MYH15: variants seen among roughly 807,000 people sequenced by gnomAD.
MYH15 encodes myosin heavy chain 15, also known as myosin-15.
A neutral mutation model predicts 240.5 loss-of-function variants in MYH15; 227 were observed. That is an observed-to-expected ratio of 0.94 (90% CI 0.85 to 1.05). The LOEUF (loss-of-function observed/expected upper bound fraction) is 1.05. Among genes scored for constraint, MYH15 ranks in the 50% least tolerant of loss-of-function variants. The pLI, the probability that MYH15 is intolerant of heterozygous loss-of-function variation, is 0.00. For missense variants in MYH15, 2,217 were observed against 2,247.5 expected (o/e 0.99, Z 0.27); for synonymous variants, 785 against 796.7 (o/e 0.99, Z 0.25).
intron 5 of MYH15, 78 bp from the exon 6 acceptor site, chr3:108,498,223 T>C: frequency 4.0e-6 from 5 of 1,246,468 alleles, no homozygotes; most frequent in Non-Finnish European, 4.7e-6. Flanking sequence ...TTTGATTATA[T>C]AGGCTATGGC....
At chr3:108,532,996 T>C (rs1400648143), upstream of MYH15, among the ~76,000 whole-genome samples, 1 of 152,164 alleles carries the variant, frequency 6.6e-6, no homozygotes, top group African/African-American at 2.4e-5. Flanking sequence ...TAGAATTAAA[T>C]AAGGTTTTCT....
At chr3:108,424,144 T>A (rs950638755) in intron 27 of MYH15, among the ~76,000 whole-genome samples, 3 of 152,096 alleles carry the variant, frequency 2.0e-5, no homozygotes, top group African/African-American at 7.2e-5. Flanking sequence ...GTGGAAATGG[T>A]AAGAAAAAGA....
upstream of MYH15, among the ~76,000 whole-genome samples, chr3:108,531,398 GTTCTCACGGGCACTTGAAACTC>G (rs1230301999): frequency 2.0e-5 from 3 of 152,082 alleles, no homozygotes; most frequent in African/African-American, 7.2e-5. Context: ...CATCTGGTGA[GTTCTCACGGGCACTTGAAACTC>G]TGGGGGAGAG....
At chr3:108,404,243 C>A (rs544989002) in intron 33 of MYH15, among the ~76,000 whole-genome samples, 2 of 152,080 alleles carry the variant, frequency 1.3e-5, no homozygotes. Flanking sequence ...AAAAAATTGA[C>A]CCCCTTGAGA....
intron 31 of MYH15, 78 bp from the exon 32 acceptor site, chr3:108,408,482 T>G: frequency 1.4e-6 from 2 of 1,429,388 alleles, no homozygotes; most frequent in Non-Finnish European, 1.9e-6. Flanking sequence ...CAACAGATTC[T>G]TCCAGCCCAC....
At chr3:108,412,407 T>G (rs1256031248) in intron 30 of MYH15, among the ~76,000 whole-genome samples, 1 of 152,182 alleles carries the variant, frequency 6.6e-6, no homozygotes, top group Admixed American at 6.5e-5. Context: ...TTTCCTGAGG[T>G]CGCCCCAGCC....
At chr3:108,466,150 A>G (rs762074232) in intron 14 of MYH15, among the ~76,000 whole-genome samples, 5 of 152,116 alleles carry the variant, frequency 3.3e-5, no homozygotes, top group Non-Finnish European at 7.3e-5. Flanking sequence ...TGGGTCCACA[A>G]AGTCAGTTTG....
At chr3:108,432,786 G>A (rs2082790127) in intron 25 of MYH15, among the ~76,000 whole-genome samples, 1 of 152,204 alleles carries the variant, frequency 6.6e-6, no homozygotes, top group Non-Finnish European at 1.5e-5. Flanking sequence ...GTACACAGAA[G>A]TCATGAATTG....
chr3:108,420,587 C>T (rs2082674712), intron 28 of MYH15, among the ~76,000 whole-genome samples: 1 of 152,020 alleles, frequency 6.6e-6, no homozygotes, highest in African/African-American at 2.4e-5. Context: ...TCGACGTGGC[C>T]AACGCAGATT....
At chr3:108,442,109 T>C (rs545852365) in intron 22 of MYH15, among the ~76,000 whole-genome samples, 1 of 152,350 alleles carries the variant, frequency 6.6e-6, no homozygotes, top group Non-Finnish European at 1.5e-5. Context: ...GTAATATAAC[T>C]TTACATACAT....
At chr3:108,489,549 G>A (rs1285782097) in intron 9 of MYH15, among the ~76,000 whole-genome samples, 1 of 152,162 alleles carries the variant, frequency 6.6e-6, no homozygotes, top group East Asian at 1.9e-4. Flanking sequence ...GAGCAAAGGA[G>A]TGAAGGGGTG....
chr3:108,520,193 G>T (rs2083606824), intron 1 of MYH15, among the ~76,000 whole-genome samples: 1 of 152,118 alleles, frequency 6.6e-6, no homozygotes, highest in South Asian at 2.1e-4. Flanking sequence ...TTCTCCAAAA[G>T]ATTATACCGA....
In MYH15 at chr3:108,430,317, T is replaced by C. The variant is rs117717815; in HGVS notation, c.3312+515A>G. Among the ~76,000 whole-genome samples the C allele has an allele frequency of 2.0e-5, 3 of 152,344 alleles. No individual in the cohort carries two copies. In the East Asian group the frequency reaches 5.8e-4, roughly 29 times the overall value. ...ATTACTTTACAACATGGTCATATGC[T>C]ATAAAACTCACATGGTCTAAAACTT... is the stretch of plus-strand genomic sequence containing the variant. On this transcript the variant is annotated intron_variant, in intron 26 of 40. Transcript: ENST00000693548.
At chr3:108,514,379 C>G (rs2083544523), upstream of MYH15, among the ~76,000 whole-genome samples, 1 of 151,922 alleles carries the variant, frequency 6.6e-6, no homozygotes, top group African/African-American at 2.4e-5. Flanking sequence ...GCAGCTATCC[C>G]CCTCTCCCTC....
intron 32 of MYH15, among the ~76,000 whole-genome samples, chr3:108,406,749 G>C (rs889639467): frequency 6.6e-6 from 1 of 152,194 alleles, no homozygotes. Flanking sequence ...TGGAGAAAAT[G>C]CGAATAGAAT....
chr3:108,467,376 A>G (rs2083129334), intron 14 of MYH15, among the ~76,000 whole-genome samples: 2 of 152,022 alleles, frequency 1.3e-5, no homozygotes, highest in Admixed American at 6.6e-5. Flanking sequence ...ATAACACATA[A>G]TGCCAAGATG....
chr3:108,468,434 T>C (rs2083140706), intron 14 of MYH15, among the ~76,000 whole-genome samples: 1 of 152,232 alleles, frequency 6.6e-6, no homozygotes, highest in Non-Finnish European at 1.5e-5. Context: ...TTTCAAGGAC[T>C]GAGTTTGATC....
In MYH15 at chr3:108,470,793, A is replaced by C; in HGVS notation, c.1288T>G (p.Trp430Gly). The change falls in exon 13 of 41, where the codon TGG (tryptophan) becomes GGG (glycine). Residue 430 changes from tryptophan (W) to glycine (G), a missense_variant. Transcript: ENST00000693548. ...GCCCTGTTGATCCGTGCCACTAGCC[A>C]CTTAAACATCCTTTCATACATTGAC... ...SKSMYERMFKWLVARINRALD... is the reference protein window; with the variant it reads ...SKSMYERMFKGLVARINRALD... 1 of 1,613,910 alleles carries C rather than the reference A, an allele frequency of 6.2e-7. No individual in the cohort carries two copies. The highest frequency in any genetic ancestry group is 8.5e-7 in the Non-Finnish European group (1 of 1,179,856).
chr3:108,429,616 G>T (rs1417790961), intron 26 of MYH15, among the ~76,000 whole-genome samples: 1 of 152,166 alleles, frequency 6.6e-6, no homozygotes, highest in Non-Finnish European at 1.5e-5. Flanking sequence ...ACAGTACAAT[G>T]AAGCCACTGA....
Sources: gnomAD v4.1 joint callset for allele counts (sites outside exome capture counted in the v4.1 genomes callset) on GRCh38, gnomAD v4.1.1 for gene constraint, MANE v1.5 for transcripts, NCBI Gene and HGNC (gene_info 2026-07-23, HGNC 2026-07-21) for gene names.